The following TRAF3IP1 variants were observed in gnomAD, a reference collection of about 807,000 sequenced individuals.
The protein encoded by TRAF3IP1 is TRAF3-interacting protein 1.
TRAF3IP1 carries 53 observed loss-of-function variants against 89.9 expected under a neutral mutation model. The ratio of observed to expected loss-of-function variants is 0.59; its 90% confidence interval spans 0.47 to 0.74. The LOEUF is 0.74. Among genes scored for constraint, TRAF3IP1 ranks in the 30% least tolerant of loss-of-function variants. The pLI, the probability that TRAF3IP1 is intolerant of heterozygous loss-of-function variation, is 0.00. For synonymous variants in TRAF3IP1, 311 were observed against 322.1 expected, an observed-to-expected ratio of 0.97 and a Z score of 0.37; for missense variants, 806 against 866.1, an observed-to-expected ratio of 0.93 and a Z score of 0.87.
At position 238,329,407 on chromosome 2, in the gene TRAF3IP1, T is replaced by A. The variant is rs576914193; in HGVS notation, c.915+65T>A. On this transcript the variant is annotated intron_variant, in intron 5 of 16. Transcript: ENST00000373327. ...AGTTTGTGGTGGTCTCAAACATGATTTTTACCTTTCTTACAATATGACTAG... is the reference window on the plus strand; with the variant it reads ...AGTTTGTGGTGGTCTCAAACATGATATTTACCTTTCTTACAATATGACTAG... 275 of 1,297,650 alleles carry A rather than the reference T, an allele frequency of 2.1e-4. 1 individual carries two copies. In the South Asian group the frequency reaches 7.9e-3, roughly 37 times the overall value. The allele number at this position is 1,297,650 out of a possible 1,614,324, so 80.4% of individuals were successfully genotyped here.
chr2:238,334,119 A>G (rs1698268340), intron 7 of TRAF3IP1, 84 bp downstream of exon 7: 1 of 1,038,806 alleles, frequency 9.6e-7, no homozygotes, highest in Non-Finnish European at 1.4e-6. Context: ...CTAGTAGGAA[A>G]GAACTCCTAT....
At position 238,357,661 on chromosome 2, in the gene TRAF3IP1, T is replaced by C. The variant is rs779009358; in HGVS notation, c.1689+1581T>C. Among the ~76,000 whole-genome samples the C allele has an allele frequency of 3.9e-5, 6 of 152,190 alleles. No individual in the cohort carries two copies. The East Asian group carries it at 7.7e-4, about 20-fold the overall frequency. On this transcript the variant is annotated intron_variant, in intron 15 of 16. Transcript: ENST00000373327. ...ATGCCTTCTGCAGTTTGTTTTTTCA[T>C]TGATGGAATGTTAATACATTATAGT...
rs754777808 is a variant in TRAF3IP1 at position 238,356,103 on chromosome 2, C to T, written c.1689+23C>T. 3.8e-5 allele frequency: 59 copies of T among 1,568,886 alleles called. No individual in the cohort carries two copies. The Middle Eastern group carries it at 8.3e-4, about 22-fold the overall frequency. ...AAGGTAATGGAATGATTTCCATAAA[C>T]ACTGGCATTTTAGCAGTCTGTTTCA... On this transcript the variant is annotated intron_variant, in intron 15 of 16. Coordinates refer to ENST00000373327, the MANE Select transcript of TRAF3IP1 (RefSeq NM_015650.4).
rs1271748518 is a variant in TRAF3IP1, at chr2:238,332,914, CTT to C, written c.987+22_987+23del. On this transcript the variant is annotated intron_variant, in intron 6 of 16. Coordinates refer to ENST00000373327, the MANE Select transcript of TRAF3IP1 (RefSeq NM_015650.4). ...AACAGAGGTAAACTTTAAAAAATAA[CTT>C]TTAAGAGATGTCAACTTGTAGCTGT... 6.4e-7 allele frequency: 1 copy of C among 1,570,128 alleles called. No individual in the cohort carries two copies. Among genetic ancestry groups the C allele is most frequent in the South Asian group, 1.1e-5 (1 of 88,794 alleles).
At position 238,320,797 on chromosome 2, in the gene TRAF3IP1, G is replaced by C; in HGVS notation, c.123+12G>C. Reference sequence around the variant, plus strand: ...ACATCATCACGGAGGTGGGCGCCGGGGACCGGGCCCGGCCAGGTGCGGGTC... The same window carrying C: ...ACATCATCACGGAGGTGGGCGCCGGCGACCGGGCCCGGCCAGGTGCGGGTC... On this transcript the variant is annotated intron_variant, in intron 1 of 16. Coordinates refer to ENST00000373327, the MANE Select transcript of TRAF3IP1 (RefSeq NM_015650.4). 7.1e-7 allele frequency: 1 copy of C among 1,406,716 alleles called. No individual in the cohort carries two copies. Among genetic ancestry groups the C allele is most frequent in the South Asian group, 1.4e-5 (1 of 71,236 alleles). 87.1% of individuals were successfully genotyped at this position (1,406,716 alleles called of 1,614,324 possible).
intron 7 of TRAF3IP1, among the ~76,000 whole-genome samples, chr2:238,334,902 C>A (rs1698311957): frequency 6.6e-6 from 1 of 152,296 alleles, no homozygotes; most frequent in East Asian, 1.9e-4. Flanking sequence ...CCCTTCACCC[C>A]ACACCTTCTC....
chr2:238,353,420 G>C (rs535445965), intron 14 of TRAF3IP1, among the ~76,000 whole-genome samples: 1 of 152,222 alleles, frequency 6.6e-6, no homozygotes, highest in East Asian at 1.9e-4. Context: ...CCTTAGAGGA[G>C]GGGGAGGGCA....
At chr2:238,388,753 C>T (rs111754759) in intron 15 of TRAF3IP1, among the ~76,000 whole-genome samples, 39,393 of 151,510 alleles carry the variant, frequency 0.26, 6,097 homozygotes, top group Middle Eastern at 0.45. Context: ...GCAATCTTCC[C>T]ACCTCAGCCT....
intron 15 of TRAF3IP1, among the ~76,000 whole-genome samples, chr2:238,376,990 A>C (rs1022306243): frequency 6.6e-6 from 1 of 152,076 alleles, no homozygotes; most frequent in Non-Finnish European, 1.5e-5. Context: ...GGGCCGTATG[A>C]GTGGTGAGTG....
chr2:238,356,102 A>G lies in TRAF3IP1; in HGVS notation c.1689+22A>G, dbSNP rs754043257. The stretch of plus-strand genomic sequence containing the variant: ...GAAGGTAATGGAATGATTTCCATAA[A>G]CACTGGCATTTTAGCAGTCTGTTTC... On this transcript the variant is annotated intron_variant, in intron 15 of 16. Transcript: ENST00000373327. 4 of 1,568,526 alleles carry G rather than the reference A, an allele frequency of 2.6e-6. No individual in the cohort carries two copies. In the South Asian group the frequency reaches 4.5e-5, roughly 17 times the overall value.
intron 15 of TRAF3IP1, among the ~76,000 whole-genome samples, chr2:238,368,981 A>G (rs1699997661): frequency 6.6e-6 from 1 of 152,096 alleles, no homozygotes; most frequent in African/African-American, 2.4e-5. Flanking sequence ...CCATTGATAA[A>G]TACTTTGTAA....
chr2:238,382,740 A>AAG (rs1700598417), intron 15 of TRAF3IP1, among the ~76,000 whole-genome samples: 1 of 151,926 alleles, frequency 6.6e-6, no homozygotes, highest in South Asian at 2.1e-4. Flanking sequence ...CAAGTTGCTC[A>AAG]AGAGAGTCCC....
intron 15 of TRAF3IP1, among the ~76,000 whole-genome samples, chr2:238,358,619 G>C (rs558553184): frequency 6.6e-6 from 1 of 152,324 alleles, no homozygotes; most frequent in East Asian, 1.9e-4. Context: ...GATGAACTTG[G>C]TGTGTATCTC....
intron 15 of TRAF3IP1, among the ~76,000 whole-genome samples, chr2:238,359,834 T>G (rs1699584462): frequency 1.3e-5 from 2 of 152,232 alleles, no homozygotes; most frequent in South Asian, 4.1e-4. Context: ...ACCATGTTTT[T>G]TCATGATACG....
chr2:238,371,383 T>A (rs1700106499), intron 15 of TRAF3IP1, among the ~76,000 whole-genome samples: 1 of 152,156 alleles, frequency 6.6e-6, no homozygotes, highest in South Asian at 2.1e-4. Context: ...CAAAGTCAGA[T>A]TTGCTGTAGA....
chr2:238,365,733 T>G (rs1429285084), intron 15 of TRAF3IP1, among the ~76,000 whole-genome samples: 1 of 152,108 alleles, frequency 6.6e-6, no homozygotes, highest in Non-Finnish European at 1.5e-5. Flanking sequence ...AAGACTTTAA[T>G]AGTTAAATTG....
chr2:238,353,216 C>T lies in TRAF3IP1; in HGVS notation c.1612+7C>T. 6.2e-7 allele frequency: 1 copy of T among 1,614,140 alleles called. No individual in the cohort carries two copies. The highest frequency in any genetic ancestry group is 8.5e-7 in the Non-Finnish European group (1 of 1,179,988). ...GAAGAAGAGGAGAAGCATGGTGAGT[C>T]CTGGGCACGAGTGTGCATGTATGTC... On this transcript the variant is annotated splice_region_variant and intron_variant, in intron 14 of 16. Transcript: ENST00000373327.
chr2:238,325,754 A>C, intron 2 of TRAF3IP1, 55 bp from the exon 3 acceptor site: 23 of 1,510,578 alleles, frequency 1.5e-5, no homozygotes, highest in East Asian at 2.3e-5. Flanking sequence ...TACAGAAGAT[A>C]ATGCACACTC....
chr2:238,379,602 C>G lies in TRAF3IP1; in HGVS notation c.1690-17857C>G, dbSNP rs939468991. ...TTAATTCTGTGACACGTGTTTTCTG[C>G]CGAGGACCTCTGACCTCATGGCCAC... is the stretch of plus-strand genomic sequence containing the variant. On this transcript the variant is annotated intron_variant, in intron 15 of 16. Coordinates refer to ENST00000373327, the MANE Select transcript of TRAF3IP1 (RefSeq NM_015650.4). The surrounding 1 kb of genome is among the most constrained non-coding windows in gnomAD (Gnocchi z 4.0). Among the ~76,000 whole-genome samples, 2 of 152,324 alleles carry G rather than the reference C, an allele frequency of 1.3e-5. No homozygotes were observed. The highest frequency in any genetic ancestry group is 1.5e-5 in the Non-Finnish European group (1 of 68,034).
Sources: gnomAD v4.1 joint callset for allele counts (sites outside exome capture counted in the v4.1 genomes callset) on GRCh38, gnomAD v4.1.1 for gene constraint, Gnocchi (gnomAD v3.1) non-coding constraint, MANE v1.5 for transcripts, NCBI Gene and HGNC (gene_info 2026-07-23, HGNC 2026-07-21) for gene names.